Variants in ABR observed in about 807,000 individuals in gnomAD.
ABR encodes active breakpoint cluster region-related protein.
Under a neutral mutation model 107.2 loss-of-function variants are expected in ABR, and 35 were observed. The ratio of observed to expected loss-of-function variants is 0.33; its 90% CI spans 0.25 to 0.43. ABR has a LOEUF of 0.43. Among genes scored for constraint, ABR ranks in the 20% least tolerant of loss-of-function variants. The pLI is 1.00. For synonymous variants in ABR, 498 were observed against 462.0 expected, an observed-to-expected ratio of 1.08 and a Z score of -1.00; for missense variants, 815 against 1,115.2, an observed-to-expected ratio of 0.73 and a Z score of 3.83.
chr17:1,221,560 T>C (rs2043120399), intron 1 of ABR, among the ~76,000 whole-genome samples: 1 of 152,168 alleles, frequency 6.6e-6, no homozygotes, highest in South Asian at 2.1e-4. Context: ...TTTAAGCTAC[T>C]TTTTTTCAGT....
At chr17:1,222,513 T>A (rs531019453) in intron 1 of ABR, among the ~76,000 whole-genome samples, 1 of 152,332 alleles carries the variant, frequency 6.6e-6, no homozygotes, top group African/African-American at 2.4e-5. Context: ...ACAATCTCAT[T>A]AGTCACTGAT....
intron 1 of ABR, among the ~76,000 whole-genome samples, chr17:1,135,935 T>G (rs1421132806): frequency 6.9e-6 from 1 of 145,144 alleles, no homozygotes; most frequent in Admixed American, 7.0e-5. Flanking sequence ...TATTTTTGTT[T>G]TGGTTCCATA....
At chr17:1,075,379 C>G (rs537594008) in intron 6 of ABR, among the ~76,000 whole-genome samples, 1 of 152,248 alleles carries the variant, frequency 6.6e-6, no homozygotes, top group African/African-American at 2.4e-5. Flanking sequence ...CAGGTCCCAG[C>G]GTGAACACGC....
At chr17:1,137,496 G>A (rs192340833) in intron 1 of ABR, among the ~76,000 whole-genome samples, 413 of 152,298 alleles carry the variant, frequency 2.7e-3, no homozygotes, top group African/African-American at 9.1e-3. Flanking sequence ...AAGGCTGGTG[G>A]GCGGAACAGC....
At chr17:1,153,387 A>AGGCACACCTACGGGAGGGCTGGGGG (rs1567833017) in intron 1 of ABR, among the ~76,000 whole-genome samples, 1,358 of 103,226 alleles carry the variant, frequency 0.013, 240 homozygotes, top group Middle Eastern at 0.039. Flanking sequence ...AGGGCTGGGG[A>AGGCACACCTACGGGAGGGCTGGGGG]TCCAGGCACA....
chr17:1,155,424 T>C (rs1188311210), intron 1 of ABR, among the ~76,000 whole-genome samples: 2 of 152,168 alleles, frequency 1.3e-5, no homozygotes, highest in Non-Finnish European at 2.9e-5. Flanking sequence ...AAGACCTAAA[T>C]GTAACAGCTA....
chr17:1,078,984 G>T lies in ABR; in HGVS notation c.700+346C>A. ...GCACGGACTCCAGCATCGGGCAGCC[G>T]CTCCGGAGTGCTCTTCCAGCAAGGG... is the stretch of plus-strand genomic sequence containing the variant. On this transcript the variant is annotated intron_variant, in intron 6 of 22. Transcript: ENST00000302538. The surrounding 1 kb of genome is among the most constrained non-coding windows in gnomAD (Gnocchi z 7.5). 6.8e-7 allele frequency: 1 copy of T among 1,474,482 alleles called. No homozygotes were observed. Among genetic ancestry groups the T allele is most frequent in the Non-Finnish European group, 9.0e-7 (1 of 1,112,232 alleles). The allele number at this position is 1,474,482 out of a possible 1,614,324, so 91.3% of individuals were successfully genotyped here. A position where few individuals can be genotyped will look rare whatever the true frequency, so the allele number is the denominator to read the frequency against.
At chr17:1,196,990 G>A (rs145132015) in intron 1 of ABR, among the ~76,000 whole-genome samples, 1,593 of 151,648 alleles carry the variant, frequency 0.011, 24 homozygotes, top group South Asian at 0.03. Flanking sequence ...CACCGCACCC[G>A]GCCAAGATCC....
At chr17:1,124,035 T>G (rs2039475923) in intron 2 of ABR, among the ~76,000 whole-genome samples, 1 of 152,062 alleles carries the variant, frequency 6.6e-6, no homozygotes, top group Non-Finnish European at 1.5e-5. Flanking sequence ...AAACTCGGCC[T>G]CGGCCTCTGT....
Position 1,050,661 on chromosome 17 carries a change from CTGAG to C in ABR, c.1562-31_1562-28del. ...TGTGGGGGAAGGACAGACGGAGATA[CTGAG>C]TGAGTGGGGCCAGGGTGGGGCAGCT... On this transcript the variant is annotated intron_variant, in intron 14 of 22. Transcript: ENST00000302538. The surrounding 1 kb of genome is among the most constrained non-coding windows in gnomAD (Gnocchi z 4.6). 1 of 1,598,272 alleles carries C rather than the reference CTGAG, an allele frequency of 6.3e-7. No individual in the cohort carries two copies. Among genetic ancestry groups the C allele is most frequent in the South Asian group, 1.1e-5 (1 of 90,800 alleles).
chr17:1,177,796 G>C (rs1426283139), intron 1 of ABR: 3 of 152,258 alleles, frequency 2.0e-5, no homozygotes, highest in Non-Finnish European at 4.4e-5. Context: ...ACAGCTAAGA[G>C]AGGGCCACTA....
chr17:1,049,994 A>G, intron 16 of ABR, 56 bp downstream of exon 16: 1 of 1,565,222 alleles, frequency 6.4e-7, no homozygotes, highest in Non-Finnish European at 8.6e-7. Context: ...ATTCCTTTTC[A>G]ACTGGAACCA....
chr17:1,160,848 C>A (rs369789610), intron 1 of ABR, among the ~76,000 whole-genome samples: 1 of 152,222 alleles, frequency 6.6e-6, no homozygotes, highest in Non-Finnish European at 1.5e-5. Context: ...ACAGAGGCCA[C>A]GCTCCACAAA....
intron 16 of ABR, among the ~76,000 whole-genome samples, chr17:1,015,351 G>A (rs895324391): frequency 2.0e-5 from 3 of 151,232 alleles, no homozygotes; most frequent in Admixed American, 6.6e-5. Flanking sequence ...CCCAGGAGGT[G>A]GAGGTTGCAT....
intron 16 of ABR, among the ~76,000 whole-genome samples, chr17:1,024,117 C>T (rs1344516987): frequency 6.6e-6 from 1 of 151,168 alleles, no homozygotes; most frequent in Non-Finnish European, 1.5e-5. Flanking sequence ...ACTTTCTGGG[C>T]ATGGAGCTTG....
At chr17:1,190,400 G>A (rs1269463032), upstream of ABR, among the ~76,000 whole-genome samples, 7 of 152,292 alleles carry the variant, frequency 4.6e-5, no homozygotes, top group East Asian at 3.9e-4. Context: ...TTGGGAGGCC[G>A]AGGCGGGTGG....
chr17:1,187,471 C>A (rs2042331778), upstream of ABR: 1 of 152,368 alleles, frequency 6.6e-6, no homozygotes, highest in Non-Finnish European at 1.5e-5. Flanking sequence ...CACAGGGCTG[C>A]AGGCTGCTGT....
In ABR at chr17:1,050,508, C is replaced by T. The variant is rs777758092; in HGVS notation, c.1659+29G>A. 2 of 1,601,710 alleles carry T rather than the reference C, an allele frequency of 1.2e-6. No individual in the cohort carries two copies. Among genetic ancestry groups the T allele is most frequent in the South Asian group, 1.1e-5 (1 of 90,818 alleles). Reference sequence around the variant, plus strand: ...CCACGAGCACGGGGTGGTGGGGTCCCCACAGAGATGCCAGCCCCTGCCACT... The same window carrying T: ...CCACGAGCACGGGGTGGTGGGGTCCTCACAGAGATGCCAGCCCCTGCCACT... On this transcript the variant is annotated intron_variant, in intron 15 of 22. Coordinates refer to ENST00000302538, the MANE Select transcript of ABR (RefSeq NM_021962.5). This position sits in a 1 kb window ranked among gnomAD's most constrained non-coding sequence, Gnocchi z 4.6.
intron 2 of ABR, among the ~76,000 whole-genome samples, chr17:1,107,205 C>G (rs765228135): frequency 6.6e-6 from 1 of 152,220 alleles, no homozygotes; most frequent in Non-Finnish European, 1.5e-5. Flanking sequence ...GGAGGAGCAG[C>G]GTTTTCAGGT....
Sources: gnomAD v4.1 joint callset for allele counts (sites outside exome capture counted in the v4.1 genomes callset) on GRCh38, gnomAD v4.1.1 for gene constraint, Gnocchi (gnomAD v3.1) non-coding constraint, MANE v1.5 for transcripts, NCBI Gene and HGNC (gene_info 2026-07-23, HGNC 2026-07-21) for gene names.